The following ART3 variants were observed in gnomAD, a reference collection of about 807,000 sequenced individuals.
ART3 encodes ecto-ADP-ribosyltransferase 3.
Under a neutral mutation model 48.5 loss-of-function variants are expected in ART3, and 49 were observed. The ratio of observed to expected loss-of-function variants is 1.01; its 90% CI spans 0.80 to 1.28. ART3 has a LOEUF of 1.28. Among genes scored for constraint, ART3 ranks in the 50% most tolerant of loss-of-function variants. The pLI, the probability that ART3 is intolerant of heterozygous loss-of-function variation, is 0.00. For missense variants in ART3, 438 were observed against 454.3 expected (o/e 0.96, Z 0.33); for synonymous variants, 145 against 157.2 (o/e 0.92, Z 0.58).
At chr4:76,039,052 T>A (rs7665152) in intron 1 of ART3, among the ~76,000 whole-genome samples, 8 of 151,698 alleles carry the variant, frequency 5.3e-5, no homozygotes, top group East Asian at 3.9e-4. Flanking sequence ...ACAAGTTACC[T>A]CAACTTTTTG....
At chr4:76,103,309 A>T (rs1727738438) in intron 8 of ART3, among the ~76,000 whole-genome samples, 1 of 152,006 alleles carries the variant, frequency 6.6e-6, no homozygotes, top group Non-Finnish European at 1.5e-5. Context: ...GTGAGTTATG[A>T]TCGTGTCATT....
intron 2 of ART3, among the ~76,000 whole-genome samples, chr4:76,078,682 T>C (rs1721685870): frequency 1.3e-5 from 2 of 152,292 alleles, no homozygotes; most frequent in South Asian, 4.1e-4. Context: ...ATAAATGTTG[T>C]AATGAAGACA....
intron 3 of ART3, among the ~76,000 whole-genome samples, chr4:76,084,818 A>G (rs943978015): frequency 1.3e-5 from 2 of 152,218 alleles, no homozygotes; most frequent in Non-Finnish European, 2.9e-5. Flanking sequence ...TGAACTATAA[A>G]TACTTGAGGA....
chr4:76,046,972 G>A (rs1437740606), intron 1 of ART3, among the ~76,000 whole-genome samples: 2 of 94,346 alleles, frequency 2.1e-5, no homozygotes, highest in Non-Finnish European at 2.1e-5. Context: ...AACATACCCG[G>A]GGCTCAGTGA....
chr4:76,070,734 A>G (rs1055789329), upstream of ART3, among the ~76,000 whole-genome samples: 3 of 152,110 alleles, frequency 2.0e-5, no homozygotes, highest in Non-Finnish European at 4.4e-5. Flanking sequence ...TCTTTCTCCA[A>G]TTTCTTCAAG....
At chr4:76,079,061 G>A (rs560020099) in intron 2 of ART3, among the ~76,000 whole-genome samples, 15 of 151,788 alleles carry the variant, frequency 9.9e-5, no homozygotes, top group Admixed American at 2.0e-4. Context: ...AGCCTGGGCG[G>A]CAGAGCGAGA....
At chr4:76,095,685 T>G (rs1725849244) in intron 3 of ART3, among the ~76,000 whole-genome samples, 1 of 152,178 alleles carries the variant, frequency 6.6e-6, no homozygotes, top group Non-Finnish European at 1.5e-5. Flanking sequence ...ATTTGCCTTT[T>G]TAATAAGCAC....
chr4:76,064,100 G>C (rs1419514940), intron 1 of ART3, among the ~76,000 whole-genome samples: 1 of 152,202 alleles, frequency 6.6e-6, no homozygotes, highest in Non-Finnish European at 1.5e-5. Flanking sequence ...TCAATTGAAA[G>C]ATTTTCTAGT....
At chr4:76,104,794 A>G (rs900255416) in intron 10 of ART3, among the ~76,000 whole-genome samples, 165 bp downstream of exon 10, 4 of 152,212 alleles carry the variant, frequency 2.6e-5, no homozygotes, top group African/African-American at 7.2e-5. Context: ...CTATAAAACC[A>G]TGGAATCTCA....
chr4:76,025,592 A>G (rs773386249), intron 1 of ART3, among the ~76,000 whole-genome samples: 1 of 152,010 alleles, frequency 6.6e-6, no homozygotes, highest in Non-Finnish European at 1.5e-5. Context: ...CCACTCTTCT[A>G]TTTTTTTCAC....
chr4:76,078,802 C>T (rs778117865), intron 2 of ART3, among the ~76,000 whole-genome samples: 6 of 152,148 alleles, frequency 3.9e-5, no homozygotes, highest in African/African-American at 9.7e-5. Context: ...ACAAGACGGC[C>T]GGGCACGGTG....
intron 1 of ART3, chr4:76,035,321 CCT>C: frequency 1.2e-6 from 2 of 1,613,986 alleles, no homozygotes; most frequent in Non-Finnish European, 1.7e-6. Context: ...AAGACAGCGT[CCT>C]CTTTTGAACA....
At chr4:76,076,546 G>T (rs1721121054) in intron 2 of ART3, among the ~76,000 whole-genome samples, 1 of 152,150 alleles carries the variant, frequency 6.6e-6, no homozygotes, top group African/African-American at 2.4e-5. Flanking sequence ...AGGCTTCTTG[G>T]CTTTTTTCTA....
chr4:76,095,799 C>A (rs1449083330), intron 3 of ART3, among the ~76,000 whole-genome samples: 3 of 152,188 alleles, frequency 2.0e-5, no homozygotes, highest in Non-Finnish European at 4.4e-5. Flanking sequence ...GTGCCTGGTC[C>A]CCAGGCTGCA....
At chr4:76,062,089 CAGAAG>C (rs1719269056) in intron 1 of ART3, among the ~76,000 whole-genome samples, 1 of 133,526 alleles carries the variant, frequency 7.5e-6, no homozygotes, top group Non-Finnish European at 1.6e-5. Flanking sequence ...AGAGTTACTT[CAGAAG>C]AGAAAGTCAT....
chr4:76,091,623 C>T (rs1393460480), intron 3 of ART3, among the ~76,000 whole-genome samples: 3 of 150,236 alleles, frequency 2.0e-5, no homozygotes, highest in East Asian at 1.9e-4. Context: ...ATTGTAGGTA[C>T]GAGGTTTTTG....
intron 1 of ART3, chr4:76,022,513 T>C: frequency 2.6e-6 from 4 of 1,544,098 alleles, no homozygotes; most frequent in Non-Finnish European, 3.6e-6. Context: ...ATAAAACAGA[T>C]GGCATACGCA....
chr4:76,069,562 G>A (rs1720109954), intron 1 of ART3, among the ~76,000 whole-genome samples: 1 of 151,484 alleles, frequency 6.6e-6, no homozygotes, highest in African/African-American at 2.4e-5. Context: ...GCTAATTTTT[G>A]TATTTTTAGT....
intron 1 of ART3, among the ~76,000 whole-genome samples, chr4:76,055,476 A>T (rs1253573311): frequency 6.6e-6 from 1 of 152,204 alleles, no homozygotes; most frequent in East Asian, 1.9e-4. Flanking sequence ...CCCCCAAATC[A>T]CTTAACACAT....
Sources: gnomAD v4.1 joint callset for allele counts (sites outside exome capture counted in the v4.1 genomes callset) on GRCh38, gnomAD v4.1.1 for gene constraint, MANE v1.5 for transcripts, NCBI Gene and HGNC (gene_info 2026-07-23, HGNC 2026-07-21) for gene names.